The following CSMD1 variants were observed in gnomAD, a reference collection of about 807,000 sequenced individuals.
CSMD1 encodes CUB and Sushi multiple domains 1.
A neutral mutation model predicts 417.5 loss-of-function variants in CSMD1; 213 were observed. The ratio of observed to expected loss-of-function variants is 0.51; its 90% confidence interval spans 0.46 to 0.57. The LOEUF is 0.57. CSMD1 is among the 20% of genes least tolerant of loss of function. CSMD1 has a pLI of 0.00. For synonymous variants in CSMD1, 2,862 were observed against 1,736.8 expected, an observed-to-expected ratio of 1.65 and a Z score of -16.11; for missense variants, 6,923 against 4,529.7, an observed-to-expected ratio of 1.53 and a Z score of -15.17.
intron 10 of CSMD1, among the ~76,000 whole-genome samples, chr8:3,530,730 T>C (rs1465928990): frequency 6.6e-6 from 1 of 152,132 alleles, no homozygotes; most frequent in Non-Finnish European, 1.5e-5. Flanking sequence ...AGTTTCACCA[T>C]GTTGGCCAGG....
chr8:4,235,136 T>G (rs1002267297), intron 3 of CSMD1, among the ~76,000 whole-genome samples: 10 of 152,042 alleles, frequency 6.6e-5, no homozygotes, highest in African/African-American at 2.4e-4. Context: ...AAAAAAGACT[T>G]CCTCCGTCTC....
chr8:3,822,111 T>A (rs984203539), intron 5 of CSMD1, among the ~76,000 whole-genome samples: 1 of 151,474 alleles, frequency 6.6e-6, no homozygotes, highest in African/African-American at 2.5e-5. Context: ...CCGATTTTTC[T>A]GGACAATTTT....
chr8:3,935,174 G>A (rs189013465), intron 5 of CSMD1, among the ~76,000 whole-genome samples: 26 of 152,208 alleles, frequency 1.7e-4, no homozygotes, highest in African/African-American at 3.6e-4. Flanking sequence ...GCCACGACTC[G>A]TCTCCAAGAA....
chr8:3,745,080 T>C (rs1584935695), intron 6 of CSMD1, among the ~76,000 whole-genome samples: 1 of 152,192 alleles, frequency 6.6e-6, no homozygotes, highest in Admixed American at 6.5e-5. Context: ...ATTATGGACA[T>C]ACAAGCTGAA....
At chr8:4,810,177 A>G (rs1798813528) in intron 1 of CSMD1, among the ~76,000 whole-genome samples, 1 of 152,238 alleles carries the variant, frequency 6.6e-6, no homozygotes, top group African/African-American at 2.4e-5. Context: ...GTAAACTTCA[A>G]GAACTGAGCA....
chr8:3,784,385 T>C lies in CSMD1; in HGVS notation c.819-30343A>G, dbSNP rs147074674. Among the ~76,000 whole-genome samples the C allele has an allele frequency of 2.5e-3, 387 of 152,268 alleles. 20 individuals are homozygous for C. The East Asian group carries it at 0.062, about 24-fold the overall frequency. On this transcript the variant is annotated intron_variant, in intron 5 of 69. Transcript: ENST00000635120. Reference sequence around the variant, plus strand: ...AGAAAACAATGAGAAATCACACGATTCTTCAGCCCAGAAATAACTGCTGTT... The same window carrying C: ...AGAAAACAATGAGAAATCACACGATCCTTCAGCCCAGAAATAACTGCTGTT...
At chr8:4,035,038 T>C (rs1012384136) in intron 3 of CSMD1, among the ~76,000 whole-genome samples, 3 of 152,210 alleles carry the variant, frequency 2.0e-5, no homozygotes, top group Non-Finnish European at 4.4e-5. Flanking sequence ...AACTTTGGTA[T>C]GAATAATGCA....
intron 3 of CSMD1, among the ~76,000 whole-genome samples, chr8:4,216,363 A>G (rs1800667671): frequency 6.6e-6 from 1 of 152,132 alleles, no homozygotes; most frequent in Non-Finnish European, 1.5e-5. Context: ...ATCACTTTTA[A>G]CATGGTGCAC....
Position 4,947,927 on chromosome 8 carries a change from G to C in CSMD1, c.85+46405C>G, listed in dbSNP as rs936622800. Reference sequence around the variant, plus strand: ...CCTGTAAGACATTCGGGTAATTCTTGGGTGCTTTGTGCGTTTATTCCTATT... The same window carrying C: ...CCTGTAAGACATTCGGGTAATTCTTCGGTGCTTTGTGCGTTTATTCCTATT... On this transcript the variant is annotated intron_variant, in intron 1 of 69. Coordinates refer to ENST00000635120, the MANE Select transcript of CSMD1 (RefSeq NM_033225.6). 3.3e-5 allele frequency among the ~76,000 whole-genome samples: 5 copies of C among 151,892 alleles called. No individual in the cohort carries two copies. In the East Asian group the frequency reaches 9.6e-4, roughly 29 times the overall value.
chr8:4,929,006 G>C (rs557771546), intron 1 of CSMD1, among the ~76,000 whole-genome samples: 1 of 152,272 alleles, frequency 6.6e-6, no homozygotes, highest in Non-Finnish European at 1.5e-5. Context: ...GGGCGGCAGA[G>C]GTTGCAGTGA....
At chr8:3,617,199 T>C (rs1300465070) in intron 7 of CSMD1, among the ~76,000 whole-genome samples, 1 of 152,196 alleles carries the variant, frequency 6.6e-6, no homozygotes, top group Non-Finnish European at 1.5e-5. Context: ...AGAGATGATA[T>C]TTACTAACTT....
chr8:4,313,935 A>G lies in CSMD1; in HGVS notation c.415+106018T>C, dbSNP rs1585213166. On this transcript the variant is annotated intron_variant, in intron 3 of 69. Transcript: ENST00000635120. ...AGGCTGAGTCAGGAGAGTCACTTGA[A>G]CCTGGGAGGCAGAGGTTGCAGCGAG... is the stretch of plus-strand genomic sequence containing the variant. Among the ~76,000 whole-genome samples the G allele has an allele frequency of 2.0e-5, 3 of 151,838 alleles. No homozygotes were observed. In the South Asian group the frequency reaches 6.3e-4, roughly 32 times the overall value.
intron 6 of CSMD1, among the ~76,000 whole-genome samples, chr8:3,722,019 A>G (rs1296461554): frequency 6.6e-6 from 1 of 152,120 alleles, no homozygotes; most frequent in Non-Finnish European, 1.5e-5. Flanking sequence ...TGGAGTTGGC[A>G]CAGGTTGTAC....
At chr8:3,265,804 C>G (rs527941601) in intron 26 of CSMD1, among the ~76,000 whole-genome samples, 20 of 152,036 alleles carry the variant, frequency 1.3e-4, no homozygotes, top group Non-Finnish European at 1.5e-5. Context: ...CCACACAGTC[C>G]TTCAGACTAG....
At chr8:3,856,798 G>A (rs896529795) in intron 5 of CSMD1, among the ~76,000 whole-genome samples, 3 of 152,082 alleles carry the variant, frequency 2.0e-5, no homozygotes, top group Admixed American at 1.3e-4. Context: ...TACAGATACA[G>A]GCTACTCCCT....
At chr8:3,179,311 G>A (rs1335876625) in intron 37 of CSMD1, among the ~76,000 whole-genome samples, 1 of 152,008 alleles carries the variant, frequency 6.6e-6, no homozygotes, top group African/African-American at 2.4e-5. Context: ...CTTAATAACT[G>A]AATGGCATAA....
chr8:3,760,929 G>T (rs918454942), intron 5 of CSMD1, among the ~76,000 whole-genome samples: 2 of 151,788 alleles, frequency 1.3e-5, no homozygotes, highest in African/African-American at 4.8e-5. Context: ...GTGTCAATTT[G>T]GGCAGAAAGC....
At chr8:3,961,235 G>A (rs1812300122) in intron 5 of CSMD1, among the ~76,000 whole-genome samples, 1 of 152,088 alleles carries the variant, frequency 6.6e-6, no homozygotes, top group Non-Finnish European at 1.5e-5. Context: ...TACCAAGTAA[G>A]CTATTGAAGA....
intron 5 of CSMD1, among the ~76,000 whole-genome samples, chr8:3,794,630 G>A (rs1458474608): frequency 6.6e-6 from 1 of 150,576 alleles, no homozygotes; most frequent in African/African-American, 2.4e-5. Flanking sequence ...TTTTTAATTT[G>A]CTAAACACAT....
Sources: gnomAD v4.1 joint callset for allele counts (sites outside exome capture counted in the v4.1 genomes callset) on GRCh38, gnomAD v4.1.1 for gene constraint, MANE v1.5 for transcripts, NCBI Gene and HGNC (gene_info 2026-07-23, HGNC 2026-07-21) for gene names.